Variants in CTNND2 observed in about 807,000 individuals in gnomAD.
The protein encoded by CTNND2 is catenin delta 2.
Under a neutral mutation model 144.4 loss-of-function variants are expected in CTNND2, and 22 were observed. The observed-to-expected ratio is 0.15, with a 90% CI of 0.11 to 0.22. The LOEUF (loss-of-function observed/expected upper bound fraction) is 0.22. Among genes scored for constraint, CTNND2 ranks in the 10% least tolerant of loss-of-function variants. The pLI is 1.00. For missense variants in CTNND2, 1,353 were observed against 1,618.8 expected (o/e 0.84, Z 2.82); for synonymous variants, 751 against 695.6 (o/e 1.08, Z -1.25).
intron 12 of CTNND2, among the ~76,000 whole-genome samples, chr5:11,130,323 C>G (rs1447504359): frequency 6.6e-6 from 1 of 152,088 alleles, no homozygotes; most frequent in Non-Finnish European, 1.5e-5. Flanking sequence ...CTTTTGATGA[C>G]GATTAAACAC....
At chr5:11,657,188 T>C (rs1296691163) in intron 2 of CTNND2, among the ~76,000 whole-genome samples, 3 of 152,076 alleles carry the variant, frequency 2.0e-5, no homozygotes, top group African/African-American at 7.2e-5. Flanking sequence ...GCATCAAAAG[T>C]GATTCAGAAG....
rs58976660 is a variant in CTNND2, at chr5:11,867,633, CCATTCATT to C, written c.37+36176_37+36183del. 4.3e-3 allele frequency among the ~76,000 whole-genome samples: 657 copies of C among 151,588 alleles called. 7 individuals carry two copies. The highest frequency in any genetic ancestry group is 0.015 in the African/African-American group (614 of 41,322). On this transcript the variant is annotated intron_variant, in intron 1 of 21. Transcript: ENST00000304623. The stretch of plus-strand genomic sequence containing the variant: ...TTGCCATTAGTTATAGATACTGAGA[CCATTCATT>C]CATTCATTCATTCATTCAATAATAT...
chr5:11,066,120 A>C (rs1580184790), intron 16 of CTNND2, among the ~76,000 whole-genome samples: 1 of 151,256 alleles, frequency 6.6e-6, no homozygotes, highest in South Asian at 2.1e-4. Context: ...GCTCACTGCA[A>C]CCTCCGTCTC....
chr5:11,187,433 C>T (rs141545512), intron 11 of CTNND2, among the ~76,000 whole-genome samples: 1 of 152,156 alleles, frequency 6.6e-6, no homozygotes, highest in Non-Finnish European at 1.5e-5. Flanking sequence ...CGCTTCCTTA[C>T]ACCTTACACA....
chr5:11,039,702 G>C lies in CTNND2; in HGVS notation c.2789-16723C>G, dbSNP rs149763266. Among the ~76,000 whole-genome samples the C allele has an allele frequency of 1.7e-3, 257 of 152,240 alleles. 2 individuals carry two copies. Among genetic ancestry groups the C allele is most frequent in the African/African-American group, 5.8e-3 (243 of 41,550 alleles). Reference sequence around the variant, plus strand: ...GATCAAATAGTTGCAATGGGCAGAGGATAAGACAAATTCTAGAAGGTACAC... The same window carrying C: ...GATCAAATAGTTGCAATGGGCAGAGCATAAGACAAATTCTAGAAGGTACAC... On this transcript the variant is annotated intron_variant, in intron 16 of 21. Transcript: ENST00000304623.
chr5:11,155,715 G>C (rs1177047708), intron 12 of CTNND2, among the ~76,000 whole-genome samples: 1 of 151,926 alleles, frequency 6.6e-6, no homozygotes, highest in African/African-American at 2.4e-5. Flanking sequence ...AAAATTTAAG[G>C]CTTTTTTTTC....
Position 11,106,001 on chromosome 5 carries a change from A to T in CTNND2, c.2463+4857T>A, listed in dbSNP as rs529166604. 1.7e-3 allele frequency among the ~76,000 whole-genome samples: 258 copies of T among 152,306 alleles called. 2 individuals are homozygous for T. Among genetic ancestry groups the T allele is most frequent in the African/African-American group, 6.0e-3 (248 of 41,564 alleles). On this transcript the variant is annotated intron_variant, in intron 14 of 21. Coordinates refer to ENST00000304623, the MANE Select transcript of CTNND2 (RefSeq NM_001332.4). ...AATGAGAAAATGAAAACTGTCTGGA[A>T]GAAAAAGAAAAACAACCTGTGATAT... is the stretch of plus-strand genomic sequence containing the variant.
At chr5:11,261,847 T>A (rs1044271325) in intron 9 of CTNND2, among the ~76,000 whole-genome samples, 2 of 152,182 alleles carry the variant, frequency 1.3e-5, no homozygotes, top group Admixed American at 1.3e-4. Context: ...GAAAGTCAAC[T>A]TGAAGTTGAA....
intron 3 of CTNND2, among the ~76,000 whole-genome samples, chr5:11,440,994 T>C (rs1030519465): frequency 1.3e-5 from 2 of 152,212 alleles, no homozygotes; most frequent in African/African-American, 2.4e-5. Flanking sequence ...AGGATATTCA[T>C]AGTTGCAGAA....
At chr5:10,977,836 T>C (rs1174013606) in intron 21 of CTNND2, among the ~76,000 whole-genome samples, 3 of 152,216 alleles carry the variant, frequency 2.0e-5, no homozygotes. Context: ...ATACTACTGA[T>C]TGTTTCTTCT....
chr5:11,638,116 T>G (rs1001124810), intron 2 of CTNND2, among the ~76,000 whole-genome samples: 2 of 152,198 alleles, frequency 1.3e-5, no homozygotes, highest in Admixed American at 6.5e-5. Flanking sequence ...GAGGGGGCAG[T>G]GTTTCCCTGT....
At chr5:11,899,181 C>G (rs1457930623) in intron 1 of CTNND2, among the ~76,000 whole-genome samples, 2 of 152,132 alleles carry the variant, frequency 1.3e-5, no homozygotes, top group Non-Finnish European at 2.9e-5. Flanking sequence ...TCTTTTTTCT[C>G]TATCATAATG....
At chr5:11,571,081 G>T (rs902999808) in intron 2 of CTNND2, among the ~76,000 whole-genome samples, 1 of 151,738 alleles carries the variant, frequency 6.6e-6, no homozygotes, top group Non-Finnish European at 1.5e-5. Context: ...CTTTTAATTT[G>T]CATCTGGTAT....
At chr5:11,085,907 CA>C (rs1171524186) in intron 15 of CTNND2, among the ~76,000 whole-genome samples, 1 of 152,102 alleles carries the variant, frequency 6.6e-6, no homozygotes, top group Non-Finnish European at 1.5e-5. Context: ...AGGATGACTG[CA>C]GTGGCTGAGC....
chr5:11,175,001 A>T (rs1760329922), intron 11 of CTNND2, among the ~76,000 whole-genome samples: 1 of 152,178 alleles, frequency 6.6e-6, no homozygotes, highest in South Asian at 2.1e-4. Context: ...CTATTAACTA[A>T]CCCTTAGGTT....
Position 11,092,151 on chromosome 5 carries a change from T to C in CTNND2, c.2637+6424A>G, listed in dbSNP as rs752115528. ...TTTGTTTCCTGTCTTTCAGAGATCATTGTCCTTTGCTGACTAATGTCTAGT... is the reference window on the plus strand; with the variant it reads ...TTTGTTTCCTGTCTTTCAGAGATCACTGTCCTTTGCTGACTAATGTCTAGT... On this transcript the variant is annotated intron_variant, in intron 15 of 21. Transcript: ENST00000304623. 3.9e-5 allele frequency among the ~76,000 whole-genome samples: 6 copies of C among 152,204 alleles called. No individual in the cohort carries two copies. The South Asian group carries it at 6.2e-4, about 16-fold the overall frequency.
chr5:10,987,999 C>T (rs1738210188), intron 20 of CTNND2, 112 bp downstream of exon 20: 1 of 1,396,138 alleles, frequency 7.2e-7, no homozygotes, highest in African/African-American at 1.4e-5. Flanking sequence ...GCTGCTAAGT[C>T]CTGCTCAGCA....
intron 9 of CTNND2, among the ~76,000 whole-genome samples, chr5:11,341,567 A>T (rs32132): frequency 0.29 from 43,449 of 152,114 alleles, 6,450 homozygotes; most frequent in Admixed American, 0.35. Flanking sequence ...GAGATTCATC[A>T]CCTGAGAGAA....
chr5:11,229,514 C>T (rs1448562206), intron 10 of CTNND2, among the ~76,000 whole-genome samples: 2 of 151,894 alleles, frequency 1.3e-5, no homozygotes, highest in African/African-American at 4.8e-5. Context: ...CAGAAACAGG[C>T]CTTGTCTCTA....
Sources: gnomAD v4.1 joint callset for allele counts (sites outside exome capture counted in the v4.1 genomes callset) on GRCh38, gnomAD v4.1.1 for gene constraint, MANE v1.5 for transcripts, NCBI Gene and HGNC (gene_info 2026-07-23, HGNC 2026-07-21) for gene names.